EDIL3: variants seen among roughly 807,000 people sequenced by gnomAD.
EDIL3 encodes EGF like and discoidin domains 3, also known as EGF-like repeat and discoidin I-like domain-containing protein 3.
EDIL3 carries 37 observed loss-of-function variants against 67.4 expected under a neutral mutation model. That is an observed-to-expected ratio of 0.55 (90% confidence interval 0.42 to 0.72). The LOEUF is 0.72. Among genes scored for constraint, EDIL3 ranks in the 30% least tolerant of loss-of-function variants. The pLI, the probability that EDIL3 is intolerant of heterozygous loss-of-function variation, is 0.00. For missense variants in EDIL3, 527 were observed against 586.3 expected (o/e 0.90, Z 1.04); for synonymous variants, 195 against 196.3 (o/e 0.99, Z 0.05).
At chr5:84,250,866 A>T (rs1454570310) in intron 2 of EDIL3, among the ~76,000 whole-genome samples, 2 of 152,226 alleles carry the variant, frequency 1.3e-5, no homozygotes. Flanking sequence ...ATATGGTCTG[A>T]AATGGATAGA....
chr5:84,379,783 G>T (rs531934885), intron 1 of EDIL3, among the ~76,000 whole-genome samples: 1 of 152,148 alleles, frequency 6.6e-6, no homozygotes, highest in South Asian at 2.1e-4. Context: ...CTTCCTCAGG[G>T]AAGCAATGAA....
At chr5:83,958,147 GA>G (rs1744547814) in intron 10 of EDIL3, among the ~76,000 whole-genome samples, 2 of 151,526 alleles carry the variant, frequency 1.3e-5, no homozygotes, top group Non-Finnish European at 3.0e-5. Context: ...ATTCTCACTA[GA>G]AAAACAGAAA....
intron 1 of EDIL3, among the ~76,000 whole-genome samples, chr5:84,269,427 T>TATTA (rs5869217): frequency 0.81 from 122,307 of 151,568 alleles, 49,721 homozygotes; most frequent in East Asian, 0.95. Flanking sequence ...TCAAAATTTT[T>TATTA]ATTCTGTCTA....
At chr5:84,064,571 G>A in intron 8 of EDIL3, 129 bp downstream of exon 8, 4 of 1,184,350 alleles carry the variant, frequency 3.4e-6, no homozygotes, top group South Asian at 3.4e-5. Context: ...CCTGAACCAT[G>A]TTGTAGACAT....
intron 9 of EDIL3, among the ~76,000 whole-genome samples, chr5:83,997,709 C>T (rs1316311160): frequency 6.6e-6 from 1 of 151,958 alleles, no homozygotes; most frequent in African/African-American, 2.4e-5. Flanking sequence ...AGAAAGATGG[C>T]CAAATAGAAG....
intron 4 of EDIL3, among the ~76,000 whole-genome samples, chr5:84,148,292 A>G (rs1254407546): frequency 6.6e-6 from 1 of 152,188 alleles, no homozygotes; most frequent in Non-Finnish European, 1.5e-5. Flanking sequence ...CATCAGAGTA[A>G]ATAAATGGGT....
At chr5:84,350,836 G>A (rs1747340649) in intron 1 of EDIL3, among the ~76,000 whole-genome samples, 2 of 152,040 alleles carry the variant, frequency 1.3e-5, no homozygotes, top group Non-Finnish European at 2.9e-5. Flanking sequence ...AGAGTGACAT[G>A]TAAAGTTAGT....
intron 1 of EDIL3, among the ~76,000 whole-genome samples, chr5:84,281,211 G>A (rs1745693449): frequency 6.6e-6 from 1 of 151,764 alleles, no homozygotes. Flanking sequence ...TACCTTTACT[G>A]TGATCAACAG....
chr5:83,973,461 T>C (rs1007745119), intron 9 of EDIL3, among the ~76,000 whole-genome samples: 5 of 152,090 alleles, frequency 3.3e-5, no homozygotes, highest in African/African-American at 9.6e-5. Context: ...TGAAAGAGTT[T>C]GTTATTTAGT....
chr5:84,306,029 G>T (rs1383071717), intron 1 of EDIL3, among the ~76,000 whole-genome samples: 1 of 151,340 alleles, frequency 6.6e-6, no homozygotes, highest in Non-Finnish European at 1.5e-5. Context: ...TCAGTCTTAA[G>T]GAGAAAAAAA....
At chr5:84,281,610 T>C (rs1360024543) in intron 1 of EDIL3, among the ~76,000 whole-genome samples, 2 of 152,222 alleles carry the variant, frequency 1.3e-5, no homozygotes, top group East Asian at 3.8e-4. Flanking sequence ...TTTTTTCTTT[T>C]TCTGCATGGG....
chr5:84,100,219 T>C (rs1747336482), intron 6 of EDIL3, among the ~76,000 whole-genome samples: 1 of 152,096 alleles, frequency 6.6e-6, no homozygotes, highest in African/African-American at 2.4e-5. Flanking sequence ...AGCAATCCCA[T>C]TACTGGATAT....
At position 84,241,615 on chromosome 5, in the gene EDIL3, A is replaced by C. The variant is rs562731558; in HGVS notation, c.197-11731T>G. On this transcript the variant is annotated intron_variant, in intron 2 of 10. Transcript: ENST00000296591. The stretch of plus-strand genomic sequence containing the variant: ...GATTTGTCAAATTATATGTTGAAGG[A>C]AATAAATTTTTTGAAAAATTAAAAG... Among the ~76,000 whole-genome samples the C allele has an allele frequency of 6.6e-5, 10 of 152,138 alleles. 1 individual carries two copies. The East Asian group carries it at 1.9e-3, about 29-fold the overall frequency.
intron 1 of EDIL3, among the ~76,000 whole-genome samples, chr5:84,292,561 A>G (rs908664963): frequency 4.6e-5 from 7 of 152,216 alleles, no homozygotes; most frequent in African/African-American, 1.7e-4. Flanking sequence ...AAGAGATATT[A>G]TGAGTGTTTA....
intron 6 of EDIL3, among the ~76,000 whole-genome samples, chr5:84,074,594 A>G (rs1746814707): frequency 6.6e-6 from 1 of 151,966 alleles, no homozygotes; most frequent in East Asian, 1.9e-4. Flanking sequence ...AGACACATGA[A>G]AAAATGCTCA....
chr5:83,978,568 G>C (rs569310602), intron 9 of EDIL3, among the ~76,000 whole-genome samples: 1 of 151,928 alleles, frequency 6.6e-6, no homozygotes, highest in Non-Finnish European at 1.5e-5. Context: ...GTGGTAATAG[G>C]GTGAGGTACT....
chr5:84,332,509 CT>C (rs1746894296), intron 1 of EDIL3, among the ~76,000 whole-genome samples: 1 of 152,156 alleles, frequency 6.6e-6, no homozygotes, highest in African/African-American at 2.4e-5. Flanking sequence ...ATTTCATGAA[CT>C]CAAGTAACTG....
At chr5:84,026,172 T>C (rs1304655009) in intron 9 of EDIL3, among the ~76,000 whole-genome samples, 1 of 152,158 alleles carries the variant, frequency 6.6e-6, no homozygotes, top group Non-Finnish European at 1.5e-5. Flanking sequence ...AGAATCTGCA[T>C]TTTAACAAGA....
intron 4 of EDIL3, among the ~76,000 whole-genome samples, chr5:84,144,361 C>T (rs911126794): frequency 8.7e-5 from 13 of 148,610 alleles, no homozygotes; most frequent in Non-Finnish European, 1.6e-4. Flanking sequence ...AAGAATGCAA[C>T]AATTAATATG....
Sources: allele counts gnomAD v4.1 joint callset (sites outside exome capture counted in the v4.1 genomes callset), GRCh38; gene constraint gnomAD v4.1.1; transcripts MANE v1.5; gene names NCBI Gene and HGNC (gene_info 2026-07-23, HGNC 2026-07-21).